NREP: variants seen among roughly 807,000 people sequenced by gnomAD.
NREP encodes the protein neuronal regeneration related protein, also known as neuronal regeneration-related protein.
In NREP, 5 loss-of-function variants were observed where a neutral mutation model predicts 8.6. The observed-to-expected ratio is 0.58, with a 90% CI of 0.30 to 1.22. The LOEUF (loss-of-function observed/expected upper bound fraction) is 1.22. Among genes scored for constraint, NREP ranks in the 50% most tolerant of loss-of-function variants. NREP has a pLI of 0.07. For missense variants in NREP, 86 were observed against 82.5 expected, an observed-to-expected ratio of 1.04 and a Z score of -0.17; for synonymous variants, 27 against 28.0, an observed-to-expected ratio of 0.96 and a Z score of 0.11.
intron 2 of NREP, among the ~76,000 whole-genome samples, chr5:111,876,075 C>G (rs1753900964): frequency 6.6e-6 from 1 of 152,142 alleles, no homozygotes; most frequent in Non-Finnish European, 1.5e-5. Flanking sequence ...ATTATGCAGG[C>G]AGGTTTTCAG....
At chr5:111,937,166 A>C (rs1755707419) in intron 2 of NREP, among the ~76,000 whole-genome samples, 1 of 152,136 alleles carries the variant, frequency 6.6e-6, no homozygotes, top group Non-Finnish European at 1.5e-5. Flanking sequence ...AGAGCTTAAC[A>C]GTTAAACTTC....
chr5:111,729,916 T>C lies in NREP; in HGVS notation c.*1005A>G, dbSNP rs1376446543. On this transcript the variant is annotated 3_prime_UTR_variant, in exon 4 of 4. Coordinates refer to ENST00000257435, the MANE Select transcript of NREP (RefSeq NM_004772.4). ...TCATATTCCCACTCAGATGCCAGTG[T>C]TTTGGGTTTTTTTCCAGGGGGAGTT... is the stretch of plus-strand genomic sequence containing the variant. 1 of 152,646 alleles carries C rather than the reference T, an allele frequency of 6.6e-6. No individual in the cohort carries two copies. The highest frequency in any genetic ancestry group is 1.5e-5 in the Non-Finnish European group (1 of 68,036). 9.5% of individuals were successfully genotyped at this position (152,646 alleles called of 1,614,324 possible).
At chr5:111,894,779 A>G (rs1468634161) in intron 2 of NREP, among the ~76,000 whole-genome samples, 1 of 152,210 alleles carries the variant, frequency 6.6e-6, no homozygotes, top group African/African-American at 2.4e-5. Context: ...GATCCTTAAG[A>G]TCATCACCAC....
upstream of NREP, among the ~76,000 whole-genome samples, chr5:111,762,301 T>C (rs918937698): frequency 6.6e-6 from 1 of 152,144 alleles, no homozygotes; most frequent in African/African-American, 2.4e-5. Context: ...GGAGGATCAG[T>C]GGGTGACACT....
chr5:111,816,644 T>C (rs1052143018), intron 2 of NREP, among the ~76,000 whole-genome samples: 1 of 146,226 alleles, frequency 6.8e-6, no homozygotes, highest in East Asian at 2.0e-4. Flanking sequence ...AAGGGCATAA[T>C]AGAACACGAA....
chr5:111,952,553 G>A (rs1756190431), intron 2 of NREP, among the ~76,000 whole-genome samples: 1 of 152,130 alleles, frequency 6.6e-6, no homozygotes, highest in African/African-American at 2.4e-5. Flanking sequence ...AAGTAAATGA[G>A]GCAAGGACGT....
intron 2 of NREP, among the ~76,000 whole-genome samples, chr5:111,877,781 G>A (rs1026729867): frequency 6.6e-6 from 1 of 151,976 alleles, no homozygotes; most frequent in Non-Finnish European, 1.5e-5. Flanking sequence ...TACAGTTGAA[G>A]ACTCTAAAGG....
chr5:111,963,095 T>C (rs1023969496), intron 2 of NREP, among the ~76,000 whole-genome samples: 1 of 152,044 alleles, frequency 6.6e-6, no homozygotes, highest in African/African-American at 2.4e-5. Flanking sequence ...GCCCACTGAG[T>C]GGATAACACA....
chr5:111,775,114 C>T (rs946205704), intron 2 of NREP, among the ~76,000 whole-genome samples: 2 of 152,166 alleles, frequency 1.3e-5, no homozygotes, highest in Non-Finnish European at 2.9e-5. Flanking sequence ...TGGCTTCTAA[C>T]TCCTGGGCTC....
intron 2 of NREP, among the ~76,000 whole-genome samples, chr5:111,929,245 T>C (rs1459669469): frequency 6.6e-6 from 1 of 152,196 alleles, no homozygotes; most frequent in African/African-American, 2.4e-5. Flanking sequence ...CATTTAATTG[T>C]GATATGATAT....
chr5:111,872,135 G>T (rs1330508509), intron 2 of NREP, among the ~76,000 whole-genome samples: 1 of 151,996 alleles, frequency 6.6e-6, no homozygotes, highest in Admixed American at 6.6e-5. Context: ...TATGGGGGCT[G>T]CAAGTCTCAA....
chr5:111,737,952 C>T (rs1019552272), intron 2 of NREP, among the ~76,000 whole-genome samples: 1 of 151,862 alleles, frequency 6.6e-6, no homozygotes, highest in African/African-American at 2.4e-5. Context: ...GAAAAATGAA[C>T]GTTGCTTTGG....
In NREP at chr5:111,903,350, G is replaced by T. The variant is rs548762511; in HGVS notation, c.135+71924C>A. On this transcript the variant is annotated intron_variant, in intron 2 of 3. Transcript: ENST00000395634. ...TCTGCCTGCCTTGGCCTCCCAAAGT[G>T]CTGGGATTACAGGTGTGAGCCACGG... 1.4e-3 allele frequency among the ~76,000 whole-genome samples: 215 copies of T among 152,118 alleles called. 1 individual carries two copies. Among genetic ancestry groups the T allele is most frequent in the Middle Eastern group, 0.01 (3 of 294 alleles).
At chr5:111,735,707 C>T (rs145605922) in intron 2 of NREP, among the ~76,000 whole-genome samples, 200 bp from the exon 3 acceptor site, 2 of 152,144 alleles carry the variant, frequency 1.3e-5, no homozygotes, top group African/African-American at 4.8e-5. Flanking sequence ...AGTTTCAGCT[C>T]GATGTCTTCC....
intron 2 of NREP, among the ~76,000 whole-genome samples, chr5:111,774,243 G>GGGAGGGAGGGAA (rs1561661200): frequency 1.4e-4 from 16 of 117,124 alleles, no homozygotes; most frequent in Non-Finnish European, 2.8e-4. Context: ...GAAGGAAGAA[G>GGGAGGGAGGGAA]GGAGGGAGGG....
intron 2 of NREP, among the ~76,000 whole-genome samples, chr5:111,865,966 C>T (rs1029963412): frequency 6.6e-6 from 1 of 152,154 alleles, no homozygotes. Context: ...CTAAAATACA[C>T]GATGGGGACA....
chr5:111,950,383 T>C lies in NREP; in HGVS notation c.135+24891A>G, dbSNP rs182076653. ...AACTGGACCCCTTCCTTAAACCTTATACAAAAATTAACTCAAAATGGATTA... is the reference window on the plus strand; with the variant it reads ...AACTGGACCCCTTCCTTAAACCTTACACAAAAATTAACTCAAAATGGATTA... On this transcript the variant is annotated intron_variant, in intron 2 of 3. Coordinates refer to the NREP transcript ENST00000395634. 7.2e-5 allele frequency among the ~76,000 whole-genome samples: 11 copies of C among 152,200 alleles called. 1 individual carries two copies. The East Asian group carries it at 2.1e-3, about 29-fold the overall frequency.
chr5:111,879,099 C>A (rs1753982834), intron 2 of NREP, among the ~76,000 whole-genome samples: 1 of 152,274 alleles, frequency 6.6e-6, no homozygotes, highest in Middle Eastern at 3.4e-3. Flanking sequence ...CACTTGAAAG[C>A]TGGTTGTTTA....
chr5:111,790,347 C>CTTTTTTTTTTTTTTTTT (rs57775701), intron 2 of NREP, among the ~76,000 whole-genome samples: 4 of 59,640 alleles, frequency 6.7e-5, no homozygotes, highest in Non-Finnish European at 1.1e-4. Context: ...AAAACCTTAA[C>CTTTTTTTTTTTTTTTTT]TTTTTTTTTT....
Sources: allele counts gnomAD v4.1 joint callset (sites outside exome capture counted in the v4.1 genomes callset), GRCh38; gene constraint gnomAD v4.1.1; transcripts MANE v1.5; gene names NCBI Gene and HGNC (gene_info 2026-07-23, HGNC 2026-07-21).